The following BTN2A2 variants were observed in gnomAD, a reference collection of about 807,000 sequenced individuals.
BTN2A2 encodes the protein butyrophilin 2.
Under a neutral mutation model 34.7 loss-of-function variants are expected in BTN2A2, and 29 were observed. The observed-to-expected ratio is 0.84, with a 90% CI of 0.62 to 1.14. The LOEUF (loss-of-function observed/expected upper bound fraction) is 1.14, where lower values mean the gene tolerates loss of function less well. BTN2A2 is among the 50% of genes most tolerant of loss of function. The pLI is 0.00. For synonymous variants in BTN2A2, 240 were observed against 253.1 expected (o/e 0.95, Z 0.49); for missense variants, 612 against 651.5 (o/e 0.94, Z 0.66).
At chr6:26,391,110 C>T (rs1561832616) in intron 7 of BTN2A2, 4 of 568,000 alleles carry the variant, frequency 7.0e-6, no homozygotes, top group Non-Finnish European at 6.3e-6. Flanking sequence ...TAGTAGCCTC[C>T]TAAGAGTTAC....
In BTN2A2 at chr6:26,392,912, T is replaced by A. The variant is rs143694906; in HGVS notation, c.1517T>A (p.Met506Lys). The A allele has an allele frequency of 6.2e-7, 1 of 1,614,178 alleles. No individual in the cohort carries two copies. The highest frequency in any genetic ancestry group is 1.1e-5 in the South Asian group (1 of 91,088). Residue 506 changes from methionine to lysine, a missense_variant, in exon 8 of 8, where the codon ATG becomes AAG. Coordinates refer to ENST00000356709, the MANE Select transcript of BTN2A2 (RefSeq NM_006995.5). Reference protein sequence around the residue: ...CPALTGASGVMVPEEGLKLHR... With the variant: ...CPALTGASGVKVPEEGLKLHR... ...GCACTCACAGGAGCCAGTGGGGTCA[T>A]GGTGCCTGAAGAGGGCCTGAAACTT...
chr6:26,394,338 TACA>T lies in BTN2A2; in HGVS notation c.*1375_*1377del. On this transcript the variant is annotated 3_prime_UTR_variant, in exon 8 of 8. Transcript: ENST00000356709. ...GATTAAGGAATACCTAGACAGCTGGTACAACATTATTTCTGGGTGTGTCTGTGA... is the reference window on the plus strand; with the variant it reads ...GATTAAGGAATACCTAGACAGCTGGTACATTATTTCTGGGTGTGTCTGTGA... 1 of 700,544 alleles carries T rather than the reference TACA, an allele frequency of 1.4e-6. No individual in the cohort carries two copies. Among genetic ancestry groups the T allele is most frequent in the South Asian group, 1.5e-5 (1 of 67,430 alleles). 43.4% of individuals were successfully genotyped at this position (700,544 alleles called of 1,614,324 possible).
chr6:26,389,747 T>A (rs1038292073), intron 4 of BTN2A2, among the ~76,000 whole-genome samples: 1 of 152,206 alleles, frequency 6.6e-6, no homozygotes, highest in African/African-American at 2.4e-5. Flanking sequence ...TGACTCAGCA[T>A]GGCTGGTTAG....
In BTN2A2 at chr6:26,388,123, C is replaced by A. The variant is rs1320935232; in HGVS notation, c.553C>A (p.Pro185Thr). The part of the protein sequence containing the change: ...YPEPLTVWRD[P>T]YGEVVPALKE... ...AGAGCCCCTCACAGTGTGGAGGGACCCCTACGGTGAGGTTGTGCCCGCCCT... is the reference window on the plus strand; with the variant it reads ...AGAGCCCCTCACAGTGTGGAGGGACACCTACGGTGAGGTTGTGCCCGCCCT... Residue 185 changes from proline (P) to threonine (T), a missense_variant, in exon 4 of 8, where the codon CCC becomes ACC. Pro to Thr is a conservative substitution (Grantham distance 38). Coordinates refer to ENST00000356709, the MANE Select transcript of BTN2A2 (RefSeq NM_006995.5). 6.2e-7 allele frequency: 1 copy of A among 1,614,076 alleles called. No individual in the cohort carries two copies. Among genetic ancestry groups the A allele is most frequent in the Non-Finnish European group, 8.5e-7 (1 of 1,180,010 alleles).
chr6:26,390,412 T>G (rs1447588420), intron 5 of BTN2A2: 1 of 688,638 alleles, frequency 1.5e-6, no homozygotes, highest in South Asian at 2.0e-5. Flanking sequence ...TTCAGAGCTT[T>G]CTTTCTTCCA....
rs943196678 is a variant in BTN2A2 at position 26,385,011 on chromosome 6, A to G, written c.95-4A>G. 5.0e-6 allele frequency: 8 copies of G among 1,610,792 alleles called. No individual in the cohort carries two copies. In the African/African-American group the frequency reaches 8.0e-5, roughly 16 times the overall value. On this transcript the variant is annotated splice_polypyrimidine_tract_variant and splice_region_variant and intron_variant, in intron 2 of 7. Transcript: ENST00000356709. ...CCTTGTCTGATTCTGCCCTTGTTGA[A>G]CAGCCCAGTTTACTGTCGTGGGGCC... is the stretch of plus-strand genomic sequence containing the variant.
At chr6:26,389,823 G>T (rs1048831866) in intron 4 of BTN2A2, among the ~76,000 whole-genome samples, 182 bp from the exon 5 acceptor site, 1 of 152,152 alleles carries the variant, frequency 6.6e-6, no homozygotes, top group Non-Finnish European at 1.5e-5. Flanking sequence ...TTCTGGGCCC[G>T]GCCCTGGCAG....
rs1760990651 is a variant in BTN2A2, at chr6:26,383,516, G to T, written c.-30-276G>T. ...GGGAGGGGGAAGTGGAGGGACGAGG[G>T]TGTGAAAGAATCCAGGGACAACTGA... is the stretch of plus-strand genomic sequence containing the variant. On this transcript the variant is annotated intron_variant, in intron 1 of 7. Transcript: ENST00000356709. This position sits in a 1 kb window ranked among gnomAD's most constrained non-coding sequence, Gnocchi z 4.4. The T allele has an allele frequency of 2.8e-6, 1 of 351,598 alleles. No individual in the cohort carries two copies. The highest frequency in any genetic ancestry group is 5.3e-6 in the Non-Finnish European group (1 of 189,946). 21.8% of individuals were successfully genotyped at this position (351,598 alleles called of 1,614,324 possible). A position where few individuals can be genotyped will look rare whatever the true frequency, so the allele number is the denominator to read the frequency against.
chr6:26,383,893 C>A lies in BTN2A2; in HGVS notation c.72C>A (p.Leu24=). The change falls in exon 2 of 8, where the codon CTC becomes CTA. Residue 24 remains leucine (L), a synonymous_variant. Transcript: ENST00000356709. The surrounding 1 kb of genome is among the most constrained non-coding windows in gnomAD (Gnocchi z 4.4). ...SLLLLLLLLL[L]SLCALVSAQF... ...TCCTCCTCCTGCTCCTCCTCCTTCT[C>A]AGCCTGTGTGCACTGGTCTCAGGTA... 1 of 1,614,188 alleles carries A rather than the reference C, an allele frequency of 6.2e-7. No individual in the cohort carries two copies. Among genetic ancestry groups the A allele is most frequent in the South Asian group, 1.1e-5 (1 of 91,086 alleles).
At position 26,393,071 on chromosome 6, in the gene BTN2A2, C is replaced by T. The variant is rs933681670; in HGVS notation, c.*104C>T. On this transcript the variant is annotated 3_prime_UTR_variant, in exon 8 of 8. Transcript: ENST00000356709. The stretch of plus-strand genomic sequence containing the variant: ...GACACGCCCTCCTCCCCTCTGGTCA[C>T]GTAAGAGAACATCTTCCAGCTGCCT... 3.8e-5 allele frequency: 62 copies of T among 1,610,904 alleles called. No individual in the cohort carries two copies. In the East Asian group the frequency reaches 1.3e-3, roughly 34 times the overall value.
Position 26,388,193 on chromosome 6 carries a change from C to A in BTN2A2, c.623C>A (p.Thr208Asn), listed in dbSNP as rs1193638674. 6.2e-7 allele frequency: 1 copy of A among 1,614,080 alleles called. No individual in the cohort carries two copies. The highest frequency in any genetic ancestry group is 8.5e-7 in the Non-Finnish European group (1 of 1,180,050). The change falls in exon 4 of 8, where the codon ACC (threonine) becomes AAC (asparagine). Residue 208 changes from threonine (T) to asparagine (N), a missense_variant. Physicochemically the swap from Thr to Asn is moderately conservative, Grantham distance 65 (BLOSUM62 0). Transcript: ENST00000356709. The stretch of plus-strand genomic sequence containing the variant: ...GATGCTGACGGCCTCTTCATGGTCA[C>A]CACAGCTGTGATCATCAGAGACAAG... ...IADADGLFMV[T>N]TAVIIRDKYV...
chr6:26,386,250 A>G (rs187452104), intron 3 of BTN2A2, among the ~76,000 whole-genome samples: 5 of 152,366 alleles, frequency 3.3e-5, no homozygotes, highest in African/African-American at 9.6e-5. Flanking sequence ...GCTTCAGCAT[A>G]GAAATGCACT....
chr6:26,392,232 G>T (rs555586233), intron 7 of BTN2A2, 143 bp from the exon 8 acceptor site: 2 of 1,550,796 alleles, frequency 1.3e-6, no homozygotes, highest in African/African-American at 2.7e-5. Flanking sequence ...GGTATGAGCT[G>T]CCTGGGATCA....
In BTN2A2 at chr6:26,383,835, C is replaced by T; in HGVS notation, c.14C>T (p.Ala5Val). 4 of 1,614,144 alleles carry T rather than the reference C, an allele frequency of 2.5e-6. No homozygotes were observed. The highest frequency in any genetic ancestry group is 3.4e-6 in the Non-Finnish European group (4 of 1,180,008). MEPA[A>V]ALHFSLPASL... ...CCCTGGGTGCTCATGGAACCAGCTG[C>T]TGCTCTGCACTTCTCCCTGCCAGCC... Residue 5 changes from alanine (A) to valine (V), a missense_variant, in exon 2 of 8, where the codon GCT becomes GTT. Ala to Val is a moderately conservative substitution (Grantham distance 64). Transcript: ENST00000356709. The surrounding 1 kb of genome is among the most constrained non-coding windows in gnomAD (Gnocchi z 4.4).
chr6:26,386,455 G>T (rs979406519), intron 3 of BTN2A2, among the ~76,000 whole-genome samples: 1 of 152,188 alleles, frequency 6.6e-6, no homozygotes, highest in Non-Finnish European at 1.5e-5. Flanking sequence ...TTCCCAGGGG[G>T]CCCCAAATCA....
intron 4 of BTN2A2, among the ~76,000 whole-genome samples, chr6:26,389,353 C>A (rs1761424080): frequency 6.6e-6 from 1 of 152,044 alleles, no homozygotes. Context: ...AGACAAGGAA[C>A]CATCAGATGC....
At position 26,384,583 on chromosome 6, in the gene BTN2A2, G is replaced by T. The variant is rs570072964; in HGVS notation, c.95-432G>T. Among the ~76,000 whole-genome samples the T allele has an allele frequency of 1.3e-5, 2 of 152,244 alleles. No homozygotes were observed. The highest frequency in any genetic ancestry group is 1.3e-4 in the Admixed American group (2 of 15,304). On this transcript the variant is annotated intron_variant, in intron 2 of 7. Coordinates refer to ENST00000356709, the MANE Select transcript of BTN2A2 (RefSeq NM_006995.5). This position sits in a 1 kb window ranked among gnomAD's most constrained non-coding sequence, Gnocchi z 4.0. ...TTACCAATGAGATATTTGACATTTT[G>T]AAATTTTAAATCTTTATAATCTGTG...
In BTN2A2 at chr6:26,392,587, G is replaced by T; in HGVS notation, c.1192G>T (p.Val398Phe). 1.2e-6 allele frequency: 2 copies of T among 1,614,220 alleles called. No homozygotes were observed. Among genetic ancestry groups the T allele is most frequent in the Non-Finnish European group, 1.7e-6 (2 of 1,180,026 alleles). Residue 398 changes from valine (V) to phenylalanine (F), a missense_variant, in exon 8 of 8, where the codon GTC (valine) becomes TTC (phenylalanine). Coordinates refer to ENST00000356709, the MANE Select transcript of BTN2A2 (RefSeq NM_006995.5). ...VENVMVWTVG[V>F]CRHSVERKGE... is the part of the protein sequence containing the mutation. Reference sequence around the variant, plus strand: ...AAACGTGATGGTGTGGACTGTGGGGGTCTGCAGACACAGTGTTGAGAGGAA... The same window carrying T: ...AAACGTGATGGTGTGGACTGTGGGGTTCTGCAGACACAGTGTTGAGAGGAA...
chr6:26,392,537 A>G lies in BTN2A2; in HGVS notation c.1142A>G (p.Lys381Arg), dbSNP rs985717141. 3.1e-6 allele frequency: 5 copies of G among 1,614,096 alleles called. No individual in the cohort carries two copies. In the African/African-American group the frequency reaches 5.3e-5, roughly 17 times the overall value. The change falls in exon 8 of 8, where the codon AAA becomes AGA. Residue 381 changes from lysine to arginine, a missense_variant. Transcript: ENST00000356709. ...GGATGGGAGAGCTTCGCCTCAGGGA[A>G]ACATTACTGGGAGGTGGAGGTGGAA... ...VLGWESFASGKHYWEVEVENV... is the reference protein window; with the variant it reads ...VLGWESFASGRHYWEVEVENV...
Sources: gnomAD v4.1 joint callset for allele counts (sites outside exome capture counted in the v4.1 genomes callset) on GRCh38, gnomAD v4.1.1 for gene constraint, Gnocchi (gnomAD v3.1) non-coding constraint, MANE v1.5 for transcripts, NCBI Gene and HGNC (gene_info 2026-07-23, HGNC 2026-07-21) for gene names.